Variants in CLEC5A observed in about 807,000 individuals in gnomAD.
CLEC5A encodes C-type lectin domain containing 5A, also known as C-type lectin domain family 5 member A.
In CLEC5A, 15 loss-of-function variants were observed where a neutral mutation model predicts 24.4. The ratio of observed to expected loss-of-function variants is 0.62; its 90% CI spans 0.41 to 0.95. The LOEUF (loss-of-function observed/expected upper bound fraction) is 0.95, where lower values mean the gene tolerates loss of function less well. Ranked by LOEUF, CLEC5A falls within the 40% of genes least tolerant of loss-of-function variation. The pLI is 0.00. For synonymous variants in CLEC5A, 71 were observed against 72.6 expected, an observed-to-expected ratio of 0.98 and a Z score of 0.11; for missense variants, 211 against 224.0, an observed-to-expected ratio of 0.94 and a Z score of 0.37.
intron 1 of CLEC5A, 140 bp downstream of exon 1, chr7:141,946,667 A>G (rs1802967182): frequency 5.1e-6 from 1 of 195,106 alleles, no homozygotes; most frequent in Non-Finnish European, 1.0e-5. Context: ...CTTAGTCTGT[A>G]GCCTTCACCA....
rs1802394992 is a variant in CLEC5A, at chr7:141,929,789, A to G, written c.*315T>C. The G allele has an allele frequency of 4.5e-6, 1 of 220,582 alleles. No individual in the cohort carries two copies. Among genetic ancestry groups the G allele is most frequent in the Non-Finnish European group, 8.9e-6 (1 of 111,968 alleles). The allele number at this position is 220,582 out of a possible 1,614,324, so 13.7% of individuals were successfully genotyped here. On this transcript the variant is annotated 3_prime_UTR_variant, in exon 7 of 7. Coordinates refer to ENST00000546910, the MANE Select transcript of CLEC5A (RefSeq NM_013252.3). ...TCTCACTCTACAGTTACTCCCTAGT[A>G]GTATGGTATACTCTGAGGCTAAAAT... is the stretch of plus-strand genomic sequence containing the variant.
chr7:141,933,762 GA>G (rs1461716768), intron 5 of CLEC5A, among the ~76,000 whole-genome samples: 1 of 151,920 alleles, frequency 6.6e-6, no homozygotes, highest in African/African-American at 2.4e-5. Context: ...GGTGCCCAGA[GA>G]AAGAGAGAGA....
intron 5 of CLEC5A, among the ~76,000 whole-genome samples, chr7:141,932,889 A>T (rs1416257854): frequency 6.6e-6 from 1 of 152,144 alleles, no homozygotes; most frequent in Admixed American, 6.6e-5. Flanking sequence ...ATGTTATCTG[A>T]CCCTTTTTTA....
Position 141,946,198 on chromosome 7 carries a change from T to C in CLEC5A, c.79+16A>G. 1 of 1,555,820 alleles carries C rather than the reference T, an allele frequency of 6.4e-7. No individual in the cohort carries two copies. Among genetic ancestry groups the C allele is most frequent in the South Asian group, 1.2e-5 (1 of 84,400 alleles). ...ACAACATGAAGTCTGGGGCAAGAGGTTGCTCAAATACTCACAATAAAGTAG... is the reference window on the plus strand; with the variant it reads ...ACAACATGAAGTCTGGGGCAAGAGGCTGCTCAAATACTCACAATAAAGTAG... On this transcript the variant is annotated intron_variant, in intron 2 of 6. Coordinates refer to ENST00000546910, the MANE Select transcript of CLEC5A (RefSeq NM_013252.3).
Position 141,934,613 on chromosome 7 carries a change from G to GTT in CLEC5A, c.345+1199_345+1200dup, listed in dbSNP as rs577797546. 7.8e-4 allele frequency among the ~76,000 whole-genome samples: 48 copies of GTT among 61,802 alleles called. 3 individuals are homozygous for GTT. The highest frequency in any genetic ancestry group is 1.3e-3 in the African/African-American group (20 of 15,408). The allele number at this position is 61,802 out of a possible 152,430, so 40.5% of individuals were successfully genotyped here. A position where few individuals can be genotyped will look rare whatever the true frequency, so the allele number is the denominator to read the frequency against. ...GATGACCTTTGTCTTTTTCTTTAAC[G>GTT]TTTTTTTTTTTTTTTTTTTTTTTTT... On this transcript the variant is annotated intron_variant, in intron 5 of 6. Transcript: ENST00000546910.
At chr7:141,938,933 A>C (rs1166231236) in intron 4 of CLEC5A, among the ~76,000 whole-genome samples, 1 of 152,194 alleles carries the variant, frequency 6.6e-6, no homozygotes, top group African/African-American at 2.4e-5. Context: ...TCCTTCAAAC[A>C]TGAAGGGGAA....
chr7:141,942,725 A>C (rs536034615), intron 4 of CLEC5A, among the ~76,000 whole-genome samples: 12 of 152,290 alleles, frequency 7.9e-5, no homozygotes, highest in Admixed American at 2.0e-4. Flanking sequence ...AAACAACTGT[A>C]TAGGAAAAAA....
intron 2 of CLEC5A, 26 bp downstream of exon 2, chr7:141,946,188 G>A: frequency 6.4e-7 from 1 of 1,552,168 alleles, no homozygotes; most frequent in Admixed American, 2.0e-5. Context: ...ATGAAGTCTG[G>A]GGCAAGAGGT....
chr7:141,937,579 C>G (rs1376047130), intron 4 of CLEC5A, among the ~76,000 whole-genome samples: 1 of 152,184 alleles, frequency 6.6e-6, no homozygotes, highest in Non-Finnish European at 1.5e-5. Context: ...ATCTCCAGAC[C>G]TATTTAGGGC....
chr7:141,938,128 A>T (rs949602451), intron 4 of CLEC5A, among the ~76,000 whole-genome samples: 8 of 152,184 alleles, frequency 5.3e-5, no homozygotes, highest in African/African-American at 1.7e-4. Context: ...GAACATCCAC[A>T]AGTATCAAGA....
rs782509233 is a variant in CLEC5A, at chr7:141,931,757, T to C, written c.415A>G (p.Arg139Gly). ...IGLIYHREEK[R>G]WRWINNSVFN... is the part of the protein sequence containing the mutation. ...ACAGAGTTGTTGATCCAACGCCACC[T>C]TTTCTCTTCACGATGGTAAATTAAG... Residue 139 changes from arginine (R) to glycine (G), a missense_variant, in exon 6 of 7, where the codon AGG becomes GGG. Transcript: ENST00000546910. 20 of 1,601,376 alleles carry C rather than the reference T, an allele frequency of 1.2e-5. No individual in the cohort carries two copies. Among genetic ancestry groups the C allele is most frequent in the Non-Finnish European group, 1.7e-5 (20 of 1,168,706 alleles).
At chr7:141,944,563 C>T (rs1802895522) in intron 3 of CLEC5A, among the ~76,000 whole-genome samples, 2 of 152,110 alleles carry the variant, frequency 1.3e-5, no homozygotes, top group Admixed American at 6.6e-5. Flanking sequence ...AGGGAAGGGT[C>T]CATTCATTTC....
chr7:141,943,594 G>T (rs1166354931), intron 4 of CLEC5A, among the ~76,000 whole-genome samples: 4 of 152,072 alleles, frequency 2.6e-5, no homozygotes, highest in African/African-American at 9.7e-5. Context: ...TGGATTGTTT[G>T]TAATACAAAA....
At chr7:141,942,872 G>A (rs1221575141) in intron 4 of CLEC5A, among the ~76,000 whole-genome samples, 3 of 152,080 alleles carry the variant, frequency 2.0e-5, no homozygotes, top group Admixed American at 6.6e-5. Flanking sequence ...CAAAACTACC[G>A]TGAGATATCA....
chr7:141,933,390 G>A (rs1009344239), intron 5 of CLEC5A, among the ~76,000 whole-genome samples: 1 of 151,772 alleles, frequency 6.6e-6, no homozygotes, highest in Non-Finnish European at 1.5e-5. Flanking sequence ...GAGGAACTAC[G>A]AGATGCTCAG....
chr7:141,939,954 T>C (rs1170713486), intron 4 of CLEC5A, among the ~76,000 whole-genome samples: 1 of 152,140 alleles, frequency 6.6e-6, no homozygotes, highest in Non-Finnish European at 1.5e-5. Flanking sequence ...TTATTAGAGC[T>C]AAAGAAATAG....
chr7:141,945,499 A>G (rs1028302882), intron 2 of CLEC5A, 99 bp from the exon 3 acceptor site: 2 of 831,016 alleles, frequency 2.4e-6, no homozygotes, highest in East Asian at 4.9e-5. Flanking sequence ...TACTGTGACT[A>G]TTAGTGGGAA....
rs1554440161 is a variant in CLEC5A, at chr7:141,930,260, A to T, written c.453-42T>A. ...AACAAAACAAAACAAACAAACAAAA[A>T]ACAAAGCATGGTGATGGCCCATCAT... On this transcript the variant is annotated intron_variant, in intron 6 of 6. Coordinates refer to ENST00000546910, the MANE Select transcript of CLEC5A (RefSeq NM_013252.3). The T allele has an allele frequency of 2.0e-6, 3 of 1,470,934 alleles. No homozygotes were observed. The South Asian group carries it at 3.4e-5, about 17-fold the overall frequency. The allele number at this position is 1,470,934 out of a possible 1,614,324, so 91.1% of individuals were successfully genotyped here.
intron 4 of CLEC5A, among the ~76,000 whole-genome samples, chr7:141,937,078 GC>G (rs1326643059): frequency 6.6e-6 from 1 of 151,950 alleles, no homozygotes; most frequent in Non-Finnish European, 1.5e-5. Context: ...TATGTTATGG[GC>G]CTTGGGTGAG....
Sources: allele counts gnomAD v4.1 joint callset (sites outside exome capture counted in the v4.1 genomes callset), GRCh38; gene constraint gnomAD v4.1.1; transcripts MANE v1.5; gene names NCBI Gene and HGNC (gene_info 2026-07-23, HGNC 2026-07-21).